Variants in NTF3 observed in about 807,000 individuals in gnomAD.
NTF3 encodes the protein neurotrophin 3.
A neutral mutation model predicts 26.3 loss-of-function variants in NTF3; 8 were observed. That is an observed-to-expected ratio of 0.30 (90% CI 0.18 to 0.55). NTF3 has a LOEUF of 0.55. Ranked by LOEUF, NTF3 falls within the 20% of genes least tolerant of loss-of-function variation. The pLI, the probability that NTF3 is intolerant of heterozygous loss-of-function variation, is 0.93. For synonymous variants in NTF3, 154 were observed against 145.5 expected (o/e 1.06, Z -0.42); for missense variants, 276 against 352.9 (o/e 0.78, Z 1.75).
intron 1 of NTF3, among the ~76,000 whole-genome samples, chr12:5,487,241 C>T (rs1251296031): frequency 2.0e-5 from 3 of 152,232 alleles, no homozygotes; most frequent in Non-Finnish European, 4.4e-5. Flanking sequence ...CTCCCTGGAG[C>T]GGCTGGCGCA....
Position 5,482,676 on chromosome 12 carries a change from G to A in NTF3, c.19-11518G>A, listed in dbSNP as rs1185731291. Among the ~76,000 whole-genome samples the A allele has an allele frequency of 3.3e-5, 5 of 151,386 alleles. No individual in the cohort carries two copies. In the East Asian group the frequency reaches 9.7e-4, roughly 29 times the overall value. The stretch of plus-strand genomic sequence containing the variant: ...CAACTGAAACCCCCTGTACAAGAAA[G>A]AGACCCCCCTTTCCACTGTGTCTCT... On this transcript the variant is annotated intron_variant, in intron 1 of 1. Transcript: ENST00000423158.
intron 1 of NTF3, among the ~76,000 whole-genome samples, chr12:5,453,141 C>T (rs1368033551): frequency 6.6e-6 from 1 of 152,194 alleles, no homozygotes; most frequent in Admixed American, 6.5e-5. Flanking sequence ...CAATGCCTGG[C>T]ATATATGAAG....
In NTF3 at chr12:5,434,472, A is replaced by AGTGTGTGTGTGTGT. The variant is rs59874216; in HGVS notation, c.18+2151_18+2164dup. ...GGGAGGGATGGGGATGTTTTTCCAA[A>AGTGTGTGTGTGTGT]GTGTGTGTGTGTGTGTGTGTGTGTG... On this transcript the variant is annotated intron_variant, in intron 1 of 1. Coordinates refer to ENST00000423158, the MANE Select transcript of NTF3 (RefSeq NM_001102654.2). 8.6e-3 allele frequency among the ~76,000 whole-genome samples: 1,232 copies of AGTGTGTGTGTGTGT among 142,738 alleles called. 18 individuals carry two copies. The highest frequency in any genetic ancestry group is 0.017 in the African/African-American group (648 of 37,640). 93.6% of individuals were successfully genotyped at this position (142,738 alleles called of 152,430 possible).
chr12:5,445,124 G>A (rs1418189241), intron 1 of NTF3, among the ~76,000 whole-genome samples: 1 of 152,156 alleles, frequency 6.6e-6, no homozygotes, highest in Non-Finnish European at 1.5e-5. Context: ...CAGAAAATCT[G>A]AAACTGTGGC....
chr12:5,444,312 A>C (rs965604713), intron 1 of NTF3, among the ~76,000 whole-genome samples: 2 of 152,210 alleles, frequency 1.3e-5, no homozygotes, highest in African/African-American at 4.8e-5. Context: ...TTGTCCACAG[A>C]AAGAGAGCGT....
At chr12:5,485,527 T>G (rs1327380009) in intron 1 of NTF3, among the ~76,000 whole-genome samples, 5 of 152,174 alleles carry the variant, frequency 3.3e-5, no homozygotes, top group Admixed American at 6.5e-5. Flanking sequence ...CCACAAAGAT[T>G]AATTGAGATC....
intron 1 of NTF3, among the ~76,000 whole-genome samples, chr12:5,441,633 G>A (rs765875654): frequency 1.3e-5 from 2 of 152,106 alleles, no homozygotes; most frequent in African/African-American, 2.4e-5. Flanking sequence ...TTTCATTTTT[G>A]TGTCCCCCAC....
chr12:5,473,626 G>A (rs757166568), intron 1 of NTF3, among the ~76,000 whole-genome samples: 1 of 152,200 alleles, frequency 6.6e-6, no homozygotes, highest in Non-Finnish European at 1.5e-5. Context: ...CTAGTAGGTG[G>A]AGTGTGAGAG....
chr12:5,481,807 CAG>C (rs949754553), intron 1 of NTF3, among the ~76,000 whole-genome samples: 4 of 146,300 alleles, frequency 2.7e-5, no homozygotes, highest in African/African-American at 1.0e-4. Context: ...CACACTCATA[CAG>C]AGACACATGC....
At chr12:5,457,124 A>G (rs1439998232) in intron 1 of NTF3, among the ~76,000 whole-genome samples, 1 of 152,218 alleles carries the variant, frequency 6.6e-6, no homozygotes, top group Admixed American at 6.5e-5. Context: ...TTCCAGAAAG[A>G]GCAGCAACTG....
intron 1 of NTF3, among the ~76,000 whole-genome samples, chr12:5,445,998 G>T (rs1940301016): frequency 6.6e-6 from 1 of 152,186 alleles, no homozygotes; most frequent in African/African-American, 2.4e-5. Context: ...AGGGTGTATT[G>T]AGGATGAATG....
intron 1 of NTF3, among the ~76,000 whole-genome samples, chr12:5,442,586 C>G (rs1940252915): frequency 6.6e-6 from 1 of 152,188 alleles, no homozygotes; most frequent in Non-Finnish European, 1.5e-5. Context: ...GACACAGGAA[C>G]AGACTGCCAT....
chr12:5,469,745 T>A (rs1378437345), intron 1 of NTF3, among the ~76,000 whole-genome samples: 1 of 152,198 alleles, frequency 6.6e-6, no homozygotes, highest in Non-Finnish European at 1.5e-5. Flanking sequence ...ATGTATTTTT[T>A]AACATTTAAT....
intron 1 of NTF3, among the ~76,000 whole-genome samples, chr12:5,436,420 G>A (rs1192062943): frequency 2.0e-5 from 3 of 152,138 alleles, no homozygotes; most frequent in African/African-American, 4.8e-5. Flanking sequence ...GACTGGATTG[G>A]GAATGTCTTA....
At chr12:5,486,865 C>T (rs912838662) in intron 1 of NTF3, among the ~76,000 whole-genome samples, 3 of 149,438 alleles carry the variant, frequency 2.0e-5, no homozygotes, top group Admixed American at 6.7e-5. Flanking sequence ...CCATCCTCAC[C>T]TCAGGTAGTT....
Position 5,479,446 on chromosome 12 carries a change from T to C in NTF3, c.19-14748T>C, listed in dbSNP as rs1187126818. ...AGATATGAGGGCTCTCCCTTAGGTTTACAGCCGGATAAAGGAGCTCCACTT... is the reference window on the plus strand; with the variant it reads ...AGATATGAGGGCTCTCCCTTAGGTTCACAGCCGGATAAAGGAGCTCCACTT... On this transcript the variant is annotated intron_variant, in intron 1 of 1. Coordinates refer to ENST00000423158, the MANE Select transcript of NTF3 (RefSeq NM_001102654.2). Among the ~76,000 whole-genome samples the C allele has an allele frequency of 3.3e-5, 5 of 152,234 alleles. No individual in the cohort carries two copies. In the South Asian group the frequency reaches 6.2e-4, roughly 19 times the overall value.
intron 1 of NTF3, among the ~76,000 whole-genome samples, chr12:5,445,288 ATGTGTGTGTGTATGTGTG>A (rs1259700294): frequency 4.7e-4 from 48 of 101,578 alleles, no homozygotes; most frequent in East Asian, 3.1e-3. Flanking sequence ...GGATTAAATG[ATGTGTGTGTGTATGTGTG>A]TGTGTGTGTG....
intron 1 of NTF3, among the ~76,000 whole-genome samples, chr12:5,448,544 C>T (rs774440759): frequency 6.6e-5 from 10 of 152,102 alleles, no homozygotes; most frequent in Non-Finnish European, 1.3e-4. Flanking sequence ...AATGAAAGTC[C>T]CCCTTCTTAT....
chr12:5,486,241 G>A (rs748765747), intron 1 of NTF3, among the ~76,000 whole-genome samples: 10 of 152,132 alleles, frequency 6.6e-5, no homozygotes, highest in South Asian at 2.1e-4. Context: ...GTTTATCCCC[G>A]ACTTGCTGCT....
Sources: gnomAD v4.1 joint callset for allele counts (sites outside exome capture counted in the v4.1 genomes callset) on GRCh38, gnomAD v4.1.1 for gene constraint, MANE v1.5 for transcripts, NCBI Gene and HGNC (gene_info 2026-07-23, HGNC 2026-07-21) for gene names.